Variants in PITRM1 observed in about 807,000 individuals in gnomAD.
The protein encoded by PITRM1 is pitrilysin metallopeptidase 1.
Under a neutral mutation model 129.9 loss-of-function variants are expected in PITRM1, and 100 were observed. The ratio of observed to expected loss-of-function variants is 0.77; its 90% CI spans 0.65 to 0.91. PITRM1 has a LOEUF of 0.91. Ranked by LOEUF, PITRM1 falls within the 40% of genes least tolerant of loss-of-function variation. The probability of loss-of-function intolerance (pLI) is 0.00; values close to 1 mark genes in which losing one functional copy is unlikely to be tolerated. For synonymous variants in PITRM1, 591 were observed against 508.8 expected (o/e 1.16, Z -2.17); for missense variants, 1,471 against 1,318.3 (o/e 1.12, Z -1.79).
chr10:3,155,300 G>A (rs1402138067), intron 14 of PITRM1, among the ~76,000 whole-genome samples: 2 of 152,202 alleles, frequency 1.3e-5, no homozygotes, highest in African/African-American at 2.4e-5. Context: ...CACTGCAGCA[G>A]AACAATGGTA....
At position 3,143,485 on chromosome 10, in the gene PITRM1, G is replaced by C. The variant is rs761856858; in HGVS notation, c.2549C>G (p.Pro850Arg). The C allele has an allele frequency of 1.2e-6, 2 of 1,612,760 alleles. No homozygotes were observed. ...RKLVMEPTFKPWQMKTHFLMP... is the reference protein window; with the variant it reads ...RKLVMEPTFKRWQMKTHFLMP... ...CAGGAAGTGAGTCTTCATCTGCCAGGGCTTGAAGGTGGGTTCCTGAGGGAC... is the reference window on the plus strand; with the variant it reads ...CAGGAAGTGAGTCTTCATCTGCCAGCGCTTGAAGGTGGGTTCCTGAGGGAC... Residue 850 changes from proline (P) to arginine (R), a missense_variant, in exon 23 of 27, where the codon CCC becomes CGC. By Grantham distance (103) the Pro-to-Arg change is moderately radical. Coordinates refer to ENST00000224949, the MANE Select transcript of PITRM1 (RefSeq NM_014889.4).
In PITRM1 at chr10:3,147,637, T is replaced by C. The variant is rs1841037338; in HGVS notation, c.2170A>G (p.Ile724Val). The change falls in exon 19 of 27, where the codon ATC becomes GTC. Residue 724 changes from isoleucine to valine, a missense_variant. Coordinates refer to ENST00000224949, the MANE Select transcript of PITRM1 (RefSeq NM_014889.4). ...GGCGTGAGGGTCCGGCCTGCCCTGA[T>C]GGATGCGTACAGGTGCCCAGAGTCA... is the stretch of plus-strand genomic sequence containing the variant. ...IPDSGHLYASIRAGRTLTPAG... is the reference protein window; with the variant it reads ...IPDSGHLYASVRAGRTLTPAG... 4 of 1,613,912 alleles carry C rather than the reference T, an allele frequency of 2.5e-6. No homozygotes were observed. The highest frequency in any genetic ancestry group is 2.7e-5 in the African/African-American group (2 of 74,942).
chr10:3,160,862 A>T (rs892594866), intron 7 of PITRM1, among the ~76,000 whole-genome samples: 1 of 151,974 alleles, frequency 6.6e-6, no homozygotes, highest in Non-Finnish European at 1.5e-5. Flanking sequence ...CCAGGTTTAA[A>T]AGATTCTCCT....
Position 3,145,598 on chromosome 10 carries a change from C to T in PITRM1, c.2455G>A (p.Glu819Lys), listed in dbSNP as rs955473499. The change falls in exon 21 of 27, where the codon GAG (glutamate) becomes AAG (lysine). Residue 819 changes from glutamate (E) to lysine (K), a missense_variant and splice_region_variant. Glu to Lys is a moderately conservative substitution (Grantham distance 56, BLOSUM62 1). Coordinates refer to ENST00000224949, the MANE Select transcript of PITRM1 (RefSeq NM_014889.4). The part of the protein sequence containing the change: ...ERRPVRPHTV[E>K]KPVPSSSGGD... The stretch of plus-strand genomic sequence containing the variant: ...GCGCCAGCACCACCAGTGCATACCT[C>T]GACCGTGTGTGGGCGCACAGGCCTC... 42 of 1,549,612 alleles carry T rather than the reference C, an allele frequency of 2.7e-5. No homozygotes were observed. Among genetic ancestry groups the T allele is most frequent in the African/African-American group, 4.1e-5 (3 of 72,990 alleles).
At chr10:3,161,664 G>C (rs1310424180) in intron 7 of PITRM1, among the ~76,000 whole-genome samples, 1 of 150,614 alleles carries the variant, frequency 6.6e-6, no homozygotes, top group Admixed American at 6.6e-5. Context: ...CCGGCTGTGC[G>C]TGCATTAGGG....
rs776432710 is a variant in PITRM1, at chr10:3,149,677, G to C, written c.1815C>G (p.Asn605Lys). 26 of 1,609,616 alleles carry C rather than the reference G, an allele frequency of 1.6e-5. No individual in the cohort carries two copies. In the East Asian group the frequency reaches 5.6e-4, roughly 35 times the overall value. The part of the protein sequence containing the change: ...MVYFRAFSSL[N>K]TLPEELRPYV... ...AGGGCCTCAGCTCCTCGGGGAGTGT[G>C]TTCAGGCTGGAGAAGGCCCGGAAAT... is the stretch of plus-strand genomic sequence containing the variant. The change falls in exon 16 of 27, where the codon AAC (asparagine) becomes AAG (lysine). Residue 605 changes from asparagine (N) to lysine (K), a missense_variant. Coordinates refer to ENST00000224949, the MANE Select transcript of PITRM1 (RefSeq NM_014889.4).
At position 3,138,444 on chromosome 10, in the gene PITRM1, G is replaced by A. The variant is rs527895370; in HGVS notation, c.2918-107C>T. ...CACAGGCATCTCACTGTCATTTCAC[G>A]TGCATGTTTCAACCACAGGGATGTG... On this transcript the variant is annotated intron_variant, in intron 25 of 26. Transcript: ENST00000224949. 58 of 766,042 alleles carry A rather than the reference G, an allele frequency of 7.6e-5. 2 individuals are homozygous for A. The highest frequency in any genetic ancestry group is 3.6e-4 in the South Asian group (24 of 67,356). The allele number at this position is 766,042 out of a possible 1,614,324, so 47.5% of individuals were successfully genotyped here.
At position 3,172,743 on chromosome 10, in the gene PITRM1, C is replaced by T. The variant is rs998302501; in HGVS notation, c.30G>A (p.Leu10=). 1.9e-5 allele frequency: 29 copies of T among 1,545,838 alleles called. No individual in the cohort carries two copies. The highest frequency in any genetic ancestry group is 2.4e-5 in the Non-Finnish European group (28 of 1,145,526). Reference sequence around the variant, plus strand: ...CGCCGCTCAGCCGCCTCAGCACACACAGGCCCTGCCGCCCGCCGCAGCGCC... The same window carrying T: ...CGCCGCTCAGCCGCCTCAGCACACATAGGCCCTGCCGCCCGCCGCAGCGCC... The part of the protein sequence containing the change: MWRCGGRQG[L]CVLRRLSGGH... The change falls in exon 1 of 27, where the codon CTG becomes CTA. Residue 10 remains leucine, a synonymous_variant. Transcript: ENST00000224949.
chr10:3,159,075 G>T, intron 9 of PITRM1, 33 bp from the exon 10 acceptor site: 1 of 1,582,618 alleles, frequency 6.3e-7, no homozygotes, highest in African/African-American at 1.4e-5. Context: ...GGGGAGGTAA[G>T]AAAAGAGTAA....
At position 3,151,328 on chromosome 10, in the gene PITRM1, C is replaced by CT. The variant is rs868428504; in HGVS notation, c.1656dup (p.Asp553ArgfsTer14). ...TTCAACGCTGGCAGACAAGAGGCAT[C>CT]TTGAGGTTTGCTTTGTTGACTCCGT... On this transcript the variant is annotated frameshift_variant, in exon 15 of 27. Coordinates refer to ENST00000224949, the MANE Select transcript of PITRM1 (RefSeq NM_014889.4). LOFTEE classifies it high-confidence loss of function. 3.1e-6 allele frequency: 5 copies of CT among 1,610,902 alleles called. No homozygotes were observed. The highest frequency in any genetic ancestry group is 1.7e-5 in the Admixed American group (1 of 59,658).
At position 3,137,750 on chromosome 10, in the gene PITRM1, T is replaced by G; in HGVS notation, c.*281A>C. On this transcript the variant is annotated 3_prime_UTR_variant, in exon 27 of 27. Transcript: ENST00000224949. ...AGGTTAAGTCAGAGTTGCCCTTTAT[T>G]TTTAGATTCTTAAATATTCTAGAAT... 2.3e-6 allele frequency: 1 copy of G among 439,336 alleles called. No individual in the cohort carries two copies. The highest frequency in any genetic ancestry group is 2.1e-5 in the South Asian group (1 of 47,154). 27.2% of individuals were successfully genotyped at this position (439,336 alleles called of 1,614,324 possible). A position where few individuals can be genotyped will look rare whatever the true frequency, so the allele number is the denominator to read the frequency against.
At chr10:3,149,011 A>AAG in intron 16 of PITRM1, 1 of 152,100 alleles carries the variant, frequency 6.6e-6, no homozygotes, top group Non-Finnish European at 1.5e-5. Flanking sequence ...CATCTCCACA[A>AAG]AGGGAAGACC....
chr10:3,166,249 G>T lies in PITRM1; in HGVS notation c.398C>A (p.Thr133Lys). 6.2e-7 allele frequency: 1 copy of T among 1,612,564 alleles called. No individual in the cohort carries two copies. Among genetic ancestry groups the T allele is most frequent in the Non-Finnish European group, 8.5e-7 (1 of 1,179,368 alleles). Residue 133 changes from threonine (T) to lysine (K), a missense_variant, in exon 4 of 27, where the codon ACG (threonine) becomes AAG (lysine). Transcript: ENST00000224949. The stretch of plus-strand genomic sequence containing the variant: ...CTTACCTGTGAAGGCGTTCATGAAC[G>T]TGGAGAGGGACCGGTTCAACATTTT... ...FFKMLNRSLS[T>K]FMNAFTASDY... is the part of the protein sequence containing the mutation.
At chr10:3,153,586 T>A (rs1203474202) in intron 14 of PITRM1, among the ~76,000 whole-genome samples, 1 of 151,202 alleles carries the variant, frequency 6.6e-6, no homozygotes, top group Non-Finnish European at 1.5e-5. Context: ...GCCACTGCAC[T>A]CCAGCCTGGG....
At chr10:3,165,585 G>A in intron 4 of PITRM1, 58 bp from the exon 5 acceptor site, 1 of 980,052 alleles carries the variant, frequency 1.0e-6, no homozygotes, top group Non-Finnish European at 1.6e-6. Flanking sequence ...TAAAATTATT[G>A]ACTCTCAAGA....
chr10:3,166,417 G>C, intron 3 of PITRM1, 37 bp from the exon 4 acceptor site: 1 of 1,368,650 alleles, frequency 7.3e-7, no homozygotes, highest in African/African-American at 1.4e-5. Flanking sequence ...AAAAGGTTCA[G>C]CTTAGTGCTG....
chr10:3,162,234 T>G (rs1418538461), intron 7 of PITRM1, among the ~76,000 whole-genome samples: 2 of 149,584 alleles, frequency 1.3e-5, no homozygotes, highest in African/African-American at 4.9e-5. Context: ...CCCCTCCTCC[T>G]CAAACTGGAC....
chr10:3,168,958 ACACACAC>A (rs1368432146), intron 2 of PITRM1, among the ~76,000 whole-genome samples: 12 of 83,866 alleles, frequency 1.4e-4, no homozygotes, highest in Non-Finnish European at 3.4e-4. Context: ...ACACACACAC[ACACACAC>A]AATTAGCCAG....
chr10:3,172,343 G>A, intron 1 of PITRM1: 1 of 499,252 alleles, frequency 2.0e-6, no homozygotes, highest in Non-Finnish European at 3.8e-6. Context: ...GGGCGCCTCG[G>A]GTCTCTTAAG....
Sources: gnomAD v4.1 joint callset for allele counts (sites outside exome capture counted in the v4.1 genomes callset) on GRCh38, gnomAD v4.1.1 for gene constraint, MANE v1.5 for transcripts, NCBI Gene and HGNC (gene_info 2026-07-23, HGNC 2026-07-21) for gene names.